The following NRG1 variants were observed in gnomAD, a reference collection of about 807,000 sequenced individuals.
NRG1 encodes the protein pro-neuregulin-1, membrane-bound isoform.
NRG1 carries 18 observed loss-of-function variants against 63.8 expected under a neutral mutation model. That is an observed-to-expected ratio of 0.28 (90% confidence interval 0.19 to 0.42). The LOEUF is 0.42. NRG1 is among the 10% of genes least tolerant of loss of function. The pLI, the probability that NRG1 is intolerant of heterozygous loss-of-function variation, is 1.00. For missense variants in NRG1, 762 were observed against 814.7 expected (o/e 0.94, Z 0.79); for synonymous variants, 302 against 301.3 (o/e 1.00, Z -0.02).
Position 32,129,878 on chromosome 8 carries a change from C to T in NRG1, c.38-465950C>T, listed in dbSNP as rs558474277. On this transcript the variant is annotated intron_variant, in intron 1 of 10. Transcript: ENST00000519301. ...TTATCCCAAATAGAAAATATTGTGT[C>T]GTTTGTCTAAAGCACTTTAAAGACA... Among the ~76,000 whole-genome samples, 7 of 151,956 alleles carry T rather than the reference C, an allele frequency of 4.6e-5. No individual in the cohort carries two copies. The South Asian group carries it at 8.3e-4, about 18-fold the overall frequency.
At chr8:32,517,546 G>A (rs1451612676) in intron 1 of NRG1, among the ~76,000 whole-genome samples, 3 of 152,154 alleles carry the variant, frequency 2.0e-5, no homozygotes, top group Non-Finnish European at 4.4e-5. Flanking sequence ...GTATCTATGT[G>A]TTGGTGAAAA....
chr8:31,796,035 A>G (rs1821169862), intron 1 of NRG1, among the ~76,000 whole-genome samples: 1 of 152,206 alleles, frequency 6.6e-6, no homozygotes, highest in Admixed American at 6.5e-5. Context: ...TACAAGGAAA[A>G]TATATATTTT....
chr8:31,812,150 A>G (rs1183074229), intron 1 of NRG1, among the ~76,000 whole-genome samples: 1 of 152,222 alleles, frequency 6.6e-6, no homozygotes, highest in African/African-American at 2.4e-5. Context: ...GCTTAAATAC[A>G]TAGTACCATA....
At chr8:31,734,879 C>T (rs767943071) in intron 1 of NRG1, among the ~76,000 whole-genome samples, 2 of 152,030 alleles carry the variant, frequency 1.3e-5, no homozygotes, top group Non-Finnish European at 2.9e-5. Context: ...GTTTGTATTA[C>T]CCTCCCTCTT....
At chr8:31,945,117 A>G (rs191841630) in intron 1 of NRG1, among the ~76,000 whole-genome samples, 20 of 152,314 alleles carry the variant, frequency 1.3e-4, no homozygotes, top group Admixed American at 1.1e-3. Flanking sequence ...AATGCTCTTT[A>G]TCATTCTAAG....
At chr8:32,645,764 T>G (rs1172431695) in intron 5 of NRG1, among the ~76,000 whole-genome samples, 1 of 152,146 alleles carries the variant, frequency 6.6e-6, no homozygotes, top group East Asian at 1.9e-4. Flanking sequence ...CCAATCACAG[T>G]AAGTGTGGAT....
At chr8:31,853,851 C>G (rs986377443) in intron 1 of NRG1, among the ~76,000 whole-genome samples, 8 of 151,994 alleles carry the variant, frequency 5.3e-5, no homozygotes, top group Non-Finnish European at 1.0e-4. Flanking sequence ...AAGGCCTTTT[C>G]TGCATCTATT....
At chr8:32,731,785 G>A (rs913876720) in intron 6 of NRG1, among the ~76,000 whole-genome samples, 1 of 152,062 alleles carries the variant, frequency 6.6e-6, no homozygotes, top group Non-Finnish European at 1.5e-5. Context: ...ATATTGCATT[G>A]GCTCATCATG....
At chr8:32,577,788 C>CT (rs1563689445) in intron 1 of NRG1, among the ~76,000 whole-genome samples, 3 of 151,580 alleles carry the variant, frequency 2.0e-5, no homozygotes, top group East Asian at 1.9e-4. Flanking sequence ...CCATCTCTCT[C>CT]TTTTTTTTAA....
chr8:31,956,644 G>A lies in NRG1; in HGVS notation c.37+317213G>A, dbSNP rs116850528. ...GTCTCAAAAAAAAAAAGTATTCTGT[G>A]AGCCAAGCGCTCTACTTGATTACTT... On this transcript the variant is annotated intron_variant, in intron 1 of 10. Transcript: ENST00000519301. Among the ~76,000 whole-genome samples the A allele has an allele frequency of 7.0e-3, 1,058 of 152,206 alleles. 4 individuals carry two copies. Among genetic ancestry groups the A allele is most frequent in the Non-Finnish European group, 0.011 (727 of 67,996 alleles).
rs531965832 is a variant in NRG1 at position 32,181,230 on chromosome 8, A to G, written c.38-414598A>G. ...AGATCCCAGATTAAGAACTCCAGCT[A>G]GTTATTAGTCCTTTGTGCTTTGAAA... On this transcript the variant is annotated intron_variant, in intron 1 of 10. Transcript: ENST00000519301. 5.3e-5 allele frequency among the ~76,000 whole-genome samples: 8 copies of G among 152,288 alleles called. No individual in the cohort carries two copies. In the South Asian group the frequency reaches 1.7e-3, roughly 32 times the overall value.
At chr8:32,703,718 G>C (rs1289454813) in intron 5 of NRG1, among the ~76,000 whole-genome samples, 1 of 152,086 alleles carries the variant, frequency 6.6e-6, no homozygotes, top group Non-Finnish European at 1.5e-5. Flanking sequence ...CAAAGCATTA[G>C]ATATAAAAAT....
At chr8:32,099,992 G>T (rs922700771) in intron 1 of NRG1, among the ~76,000 whole-genome samples, 4 of 152,062 alleles carry the variant, frequency 2.6e-5, no homozygotes, top group African/African-American at 9.7e-5. Context: ...TGGAGTACAA[G>T]GGAAGGATAG....
chr8:31,729,519 T>C (rs141821659), intron 1 of NRG1, among the ~76,000 whole-genome samples: 361 of 152,248 alleles, frequency 2.4e-3, no homozygotes, highest in African/African-American at 8.3e-3. Context: ...CCACTGAATG[T>C]AAACAAGCTT....
Position 31,667,661 on chromosome 8 carries a change from G to T in NRG1, c.37+28230G>T, listed in dbSNP as rs376288042. On this transcript the variant is annotated intron_variant, in intron 1 of 10. Transcript: ENST00000519301. ...GCTGCAGAAGGCCCCAGAAAGGGTT[G>T]GGAGTCAAGGACATTGTCTGCCATT... Among the ~76,000 whole-genome samples the T allele has an allele frequency of 4.3e-4, 66 of 152,276 alleles. No homozygotes were observed. In the South Asian group the frequency reaches 0.013, roughly 31 times the overall value.
chr8:32,058,855 C>T (rs936896472), intron 1 of NRG1, among the ~76,000 whole-genome samples: 4 of 152,158 alleles, frequency 2.6e-5, no homozygotes, highest in Admixed American at 6.6e-5. Flanking sequence ...TGGTCCCATA[C>T]GCTTTCCCCA....
At chr8:32,104,232 T>C (rs1830964081) in intron 1 of NRG1, among the ~76,000 whole-genome samples, 2 of 152,230 alleles carry the variant, frequency 1.3e-5, no homozygotes, top group South Asian at 4.1e-4. Context: ...TACTTAATAC[T>C]GTAGGCAATT....
intron 1 of NRG1, among the ~76,000 whole-genome samples, chr8:32,574,571 A>G (rs774070929): frequency 1.3e-5 from 2 of 152,000 alleles, no homozygotes; most frequent in Non-Finnish European, 2.9e-5. Context: ...AATGACTAAG[A>G]TCTGGTCATT....
At chr8:31,678,723 T>C (rs1317940318) in intron 1 of NRG1, among the ~76,000 whole-genome samples, 1 of 148,306 alleles carries the variant, frequency 6.7e-6, no homozygotes, top group East Asian at 1.9e-4. Flanking sequence ...ATTAAAGTAT[T>C]AAATATTTAT....
Sources: gnomAD v4.1 joint callset for allele counts (sites outside exome capture counted in the v4.1 genomes callset) on GRCh38, gnomAD v4.1.1 for gene constraint, MANE v1.5 for transcripts, NCBI Gene and HGNC (gene_info 2026-07-23, HGNC 2026-07-21) for gene names.